The following ZNF462 variants were observed in gnomAD, a reference collection of about 807,000 sequenced individuals.
ZNF462 encodes zinc finger PBX1-interacting protein.
In ZNF462, 10 loss-of-function variants were observed where a neutral mutation model predicts 201.9. The observed-to-expected ratio is 0.05, with a 90% CI of 0.03 to 0.08. ZNF462 has a LOEUF of 0.08. Ranked by LOEUF, ZNF462 falls within the 10% of genes least tolerant of loss-of-function variation. The pLI is 1.00. For missense variants in ZNF462, 2,523 were observed against 3,168.3 expected (o/e 0.80, Z 4.89); for synonymous variants, 1,227 against 1,193.3 (o/e 1.03, Z -0.58).
rs980963355 is a variant in ZNF462, at chr9:106,972,417, T to C, written c.6695+145T>C. Reference sequence around the variant, plus strand: ...ATGTAGGGGTTGGGTCCAGGCTTCATGGAAGGAGGGTAGTTTCAGAAGACT... The same window carrying C: ...ATGTAGGGGTTGGGTCCAGGCTTCACGGAAGGAGGGTAGTTTCAGAAGACT... On this transcript the variant is annotated intron_variant, in intron 8 of 12. Coordinates refer to ENST00000277225, the MANE Select transcript of ZNF462 (RefSeq NM_021224.6). The surrounding 1 kb of genome is among the most constrained non-coding windows in gnomAD (Gnocchi z 4.8). 9.4e-6 allele frequency: 11 copies of C among 1,169,346 alleles called. No homozygotes were observed. The South Asian group carries it at 1.1e-4, about 12-fold the overall frequency. The allele number at this position is 1,169,346 out of a possible 1,614,324, so 72.4% of individuals were successfully genotyped here. A position where few individuals can be genotyped will look rare whatever the true frequency, so the allele number is the denominator to read the frequency against.
intron 1 of ZNF462, among the ~76,000 whole-genome samples, chr9:106,875,164 T>C (rs1827773646): frequency 1.3e-5 from 2 of 152,186 alleles, no homozygotes; most frequent in African/African-American, 2.4e-5. Flanking sequence ...TGTTCTTTCT[T>C]CCCCTCTTGC....
chr9:106,912,718 C>G (rs1454883635), intron 1 of ZNF462, among the ~76,000 whole-genome samples: 1 of 152,046 alleles, frequency 6.6e-6, no homozygotes, highest in Non-Finnish European at 1.5e-5. Flanking sequence ...AGATGTTGGA[C>G]CAGGTTGGAC....
Position 106,918,549 on chromosome 9 carries a change from T to A in ZNF462, c.-30-4805T>A, listed in dbSNP as rs1156620997. On this transcript the variant is annotated intron_variant, in intron 1 of 12. Coordinates refer to ENST00000277225, the MANE Select transcript of ZNF462 (RefSeq NM_021224.6). ...TTCAGCCATAACAAGTGTAAATGATTAGTAGTGATAGAGAACTTCCCTTGT... is the reference window on the plus strand; with the variant it reads ...TTCAGCCATAACAAGTGTAAATGATAAGTAGTGATAGAGAACTTCCCTTGT... Among the ~76,000 whole-genome samples, 9 of 152,200 alleles carry A rather than the reference T, an allele frequency of 5.9e-5. No individual in the cohort carries two copies. The East Asian group carries it at 1.5e-3, about 26-fold the overall frequency.
At chr9:106,878,440 T>C (rs772315384) in intron 1 of ZNF462, among the ~76,000 whole-genome samples, 2 of 152,254 alleles carry the variant, frequency 1.3e-5, no homozygotes, top group Admixed American at 6.5e-5. Flanking sequence ...AATAATTTAG[T>C]GTCTTCATGT....
intron 1 of ZNF462, among the ~76,000 whole-genome samples, chr9:106,879,332 A>ACCCCCCCCC (rs796290122): frequency 9.3e-4 from 66 of 70,616 alleles, no homozygotes; most frequent in Non-Finnish European, 1.1e-3. Flanking sequence ...GATGCTTTCC[A>ACCCCCCCCC]CCCCCCCCCC....
chr9:106,995,408 C>T (rs1828630182), intron 10 of ZNF462: 2 of 152,114 alleles, frequency 1.3e-5, no homozygotes, highest in Admixed American at 6.6e-5. Flanking sequence ...TATCCCATCA[C>T]ATTTTGCAAC....
intron 7 of ZNF462, among the ~76,000 whole-genome samples, chr9:106,961,373 T>C (rs1321004427): frequency 1.3e-5 from 2 of 152,140 alleles, no homozygotes; most frequent in Non-Finnish European, 2.9e-5. Context: ...GAAGCCATTG[T>C]CCGTGTAATT....
At chr9:106,983,084 A>T (rs1827568629) in intron 9 of ZNF462, among the ~76,000 whole-genome samples, 1 of 152,224 alleles carries the variant, frequency 6.6e-6, no homozygotes, top group African/African-American at 2.4e-5. Flanking sequence ...GCTATATTTG[A>T]TTCTTGCATA....
In ZNF462 at chr9:106,917,135, T is replaced by TA. The variant is rs1390317410; in HGVS notation, c.-30-6218dup. On this transcript the variant is annotated intron_variant, in intron 1 of 12. Transcript: ENST00000277225. The surrounding 1 kb of genome is among the most constrained non-coding windows in gnomAD (Gnocchi z 4.5). ...AGTATCTCTTTCTGTATGAGACACT[T>TA]ACTACCTGCTTTCATAACAGGTCAC... 1.3e-5 allele frequency among the ~76,000 whole-genome samples: 2 copies of TA among 152,228 alleles called. No individual in the cohort carries two copies. Among genetic ancestry groups the TA allele is most frequent in the African/African-American group, 2.4e-5 (1 of 41,466 alleles).
chr9:106,908,935 ATATATATTTTTTTTTTTTTTTTTTTTTT>A (rs1564090864), intron 1 of ZNF462, among the ~76,000 whole-genome samples: 3 of 31,398 alleles, frequency 9.6e-5, no homozygotes, highest in Non-Finnish European at 1.6e-4. Context: ...ATATATATAT[ATATATATTTTTTTTTTTTTTTTTTTTTT>A]TTTTTTTTTT....
chr9:107,000,209 G>T (rs1332455877), intron 10 of ZNF462, among the ~76,000 whole-genome samples: 1 of 152,008 alleles, frequency 6.6e-6, no homozygotes, highest in Admixed American at 6.6e-5. Flanking sequence ...GTTCAGGGTG[G>T]TGGGAGCAAG....
chr9:106,988,897 A>G (rs1347837359), intron 10 of ZNF462, among the ~76,000 whole-genome samples: 1 of 152,036 alleles, frequency 6.6e-6, no homozygotes, highest in African/African-American at 2.4e-5. Flanking sequence ...GTATCTGGAA[A>G]CTTTGCTGAA....
In ZNF462 at chr9:107,006,706, G is replaced by A. The variant is rs1829570977; in HGVS notation, c.7190-2839G>A. On this transcript the variant is annotated intron_variant, in intron 11 of 12. Transcript: ENST00000277225. The surrounding 1 kb of genome is among the most constrained non-coding windows in gnomAD (Gnocchi z 4.3). ...CCATGATGCCAGGGCTAAAGACTATGGGTTTGCGAAGGGGGCCCCAGTTTG... is the reference window on the plus strand; with the variant it reads ...CCATGATGCCAGGGCTAAAGACTATAGGTTTGCGAAGGGGGCCCCAGTTTG... 6.6e-6 allele frequency among the ~76,000 whole-genome samples: 1 copy of A among 152,054 alleles called. No homozygotes were observed. Among genetic ancestry groups the A allele is most frequent in the Non-Finnish European group, 1.5e-5 (1 of 68,018 alleles).
chr9:106,998,407 A>G (rs190474407), intron 10 of ZNF462, among the ~76,000 whole-genome samples: 4 of 152,280 alleles, frequency 2.6e-5, no homozygotes, highest in Admixed American at 2.0e-4. Context: ...ATTCAACTTG[A>G]TAATATTTGT....
In ZNF462 at chr9:106,870,124, T is replaced by C. The variant is rs979316140; in HGVS notation, c.-31+6769T>C. On this transcript the variant is annotated intron_variant, in intron 1 of 12. Coordinates refer to ENST00000277225, the MANE Select transcript of ZNF462 (RefSeq NM_021224.6). The surrounding 1 kb of genome is among the most constrained non-coding windows in gnomAD (Gnocchi z 4.3). ...TGTGATTCCAACACAAAGTTAATTA[T>C]TTTCACGGCTTAGAAGGACAAAGGA... Among the ~76,000 whole-genome samples the C allele has an allele frequency of 2.0e-5, 3 of 152,134 alleles. No individual in the cohort carries two copies. Among genetic ancestry groups the C allele is most frequent in the Non-Finnish European group, 4.4e-5 (3 of 67,960 alleles).
intron 9 of ZNF462, chr9:106,975,067 C>T (rs1245367352): frequency 2.6e-5 from 4 of 152,202 alleles, no homozygotes; most frequent in African/African-American, 7.2e-5. Flanking sequence ...CCTTCCTCTG[C>T]ATTGGAAGGA....
In ZNF462 at chr9:106,939,032, G is replaced by A. The variant is rs753969030; in HGVS notation, c.6352G>A (p.Val2118Ile). The A allele has an allele frequency of 3.7e-5, 60 of 1,613,740 alleles. No individual in the cohort carries two copies. The South Asian group carries it at 4.4e-4, about 12-fold the overall frequency. ...KALTLPRPRI[V>I]SLLSSHSHHS... ...CCTGACCCTCCCCAGGCCACGGATC[G>A]TCAGTCTCCTCTCCTCACACTCCCA... is the stretch of plus-strand genomic sequence containing the variant. The change falls in exon 7 of 13, where the codon GTC (valine) becomes ATC (isoleucine). Residue 2118 changes from valine (V) to isoleucine (I), a missense_variant. This residue lies in a region of ZNF462 where 138 missense variants were observed against 146.3 expected (regional missense o/e 0.94). Coordinates refer to ENST00000277225, the MANE Select transcript of ZNF462 (RefSeq NM_021224.6).
rs939558678 is a variant in ZNF462, at chr9:106,880,654, G to T, written c.-31+17299G>T. Among the ~76,000 whole-genome samples, 3 of 152,152 alleles carry T rather than the reference G, an allele frequency of 2.0e-5. No individual in the cohort carries two copies. Among genetic ancestry groups the T allele is most frequent in the African/African-American group, 7.2e-5 (3 of 41,418 alleles). On this transcript the variant is annotated intron_variant, in intron 1 of 12. Transcript: ENST00000277225. The surrounding 1 kb of genome is among the most constrained non-coding windows in gnomAD (Gnocchi z 4.1). ...TTGTTGGGATATATTTTTATTAATG[G>T]TTTAAGTTGGGCCTTTTATAACTGA...
chr9:106,977,250 A>G lies in ZNF462; in HGVS notation c.6832+2977A>G, dbSNP rs780693688. ...AGTTGGGGCTGATCTCAAAGTAACAAGACATGGCTCCTTCTGCACCTGTCC... is the reference window on the plus strand; with the variant it reads ...AGTTGGGGCTGATCTCAAAGTAACAGGACATGGCTCCTTCTGCACCTGTCC... On this transcript the variant is annotated intron_variant, in intron 9 of 12. Coordinates refer to ENST00000277225, the MANE Select transcript of ZNF462 (RefSeq NM_021224.6). The surrounding 1 kb of genome is among the most constrained non-coding windows in gnomAD (Gnocchi z 4.6). 6.8e-6 allele frequency among the ~76,000 whole-genome samples: 1 copy of G among 147,214 alleles called. No homozygotes were observed. The highest frequency in any genetic ancestry group is 1.5e-5 in the Non-Finnish European group (1 of 68,002).
Sources: allele counts gnomAD v4.1 joint callset (sites outside exome capture counted in the v4.1 genomes callset), GRCh38; gene constraint gnomAD v4.1.1; regional missense constraint gnomAD v4.1.1; non-coding constraint Gnocchi (gnomAD v3.1); transcripts MANE v1.5; gene names NCBI Gene and HGNC (gene_info 2026-07-23, HGNC 2026-07-21).